Variants in RAI1 observed in about 807,000 individuals in gnomAD.
The protein encoded by RAI1 is retinoic acid induced 1, also known as retinoic acid-induced protein 1.
In RAI1, 9 loss-of-function variants were observed where a neutral mutation model predicts 123.8. That is an observed-to-expected ratio of 0.07 (90% CI 0.04 to 0.13). The LOEUF (loss-of-function observed/expected upper bound fraction) is 0.13, where lower values mean the gene tolerates loss of function less well. Among genes scored for constraint, RAI1 ranks in the 10% least tolerant of loss-of-function variants. RAI1 has a pLI of 1.00. For synonymous variants in RAI1, 1,231 were observed against 1,127.3 expected, an observed-to-expected ratio of 1.09 and a Z score of -1.84; for missense variants, 2,256 against 2,545.8, an observed-to-expected ratio of 0.89 and a Z score of 2.45.
chr17:17,807,251 G>T (rs1276080204), intron 4 of RAI1, among the ~76,000 whole-genome samples: 1 of 149,120 alleles, frequency 6.7e-6, no homozygotes, highest in Non-Finnish European at 1.5e-5. Context: ...CCAGGCGGTG[G>T]GGGGGGCGGG....
intron 2 of RAI1, among the ~76,000 whole-genome samples, chr17:17,724,878 C>T (rs1916027094): frequency 6.6e-6 from 1 of 152,144 alleles, no homozygotes; most frequent in South Asian, 2.1e-4. Flanking sequence ...CAAACACTTC[C>T]CCTGGAGACC....
intron 2 of RAI1, among the ~76,000 whole-genome samples, chr17:17,755,214 G>A (rs1395246990): frequency 6.6e-6 from 1 of 152,232 alleles, no homozygotes; most frequent in East Asian, 1.9e-4. Flanking sequence ...CCCCAGTGCT[G>A]GACTGTGAGC....
chr17:17,714,945 CT>C lies in RAI1; in HGVS notation c.-148-9081del, dbSNP rs1915665958. Among the ~76,000 whole-genome samples, 1 of 152,250 alleles carries C rather than the reference CT, an allele frequency of 6.6e-6. No individual in the cohort carries two copies. Among genetic ancestry groups the C allele is most frequent in the African/African-American group, 2.4e-5 (1 of 41,464 alleles). The stretch of plus-strand genomic sequence containing the variant: ...GTAATGTCGCCTTCCACCTCATGGA[CT>C]TCCCAGTTTAGAATGCTGCTTCCCA... On this transcript the variant is annotated intron_variant, in intron 1 of 5. Coordinates refer to ENST00000353383, the MANE Select transcript of RAI1 (RefSeq NM_030665.4). The surrounding 1 kb of genome is among the most constrained non-coding windows in gnomAD (Gnocchi z 4.9).
At position 17,795,312 on chromosome 17, in the gene RAI1, G is replaced by A. The variant is rs150442255; in HGVS notation, c.2364G>A (p.Ser788=). ...GISKGDTHEA[S]ACLGFQEEDP... is the part of the protein sequence containing the mutation. Reference sequence around the variant, plus strand: ...GCAAAGGGGACACCCATGAGGCTTCGGCCTGCCTGGGCTTCCAGGAGGAGG... The same window carrying A: ...GCAAAGGGGACACCCATGAGGCTTCAGCCTGCCTGGGCTTCCAGGAGGAGG... Residue 788 remains serine, a synonymous_variant, in exon 3 of 6, where the codon TCG becomes TCA. Transcript: ENST00000353383. The surrounding 1 kb of genome is among the most constrained non-coding windows in gnomAD (Gnocchi z 5.9). The A allele has an allele frequency of 2.4e-5, 38 of 1,605,782 alleles. No individual in the cohort carries two copies. Among genetic ancestry groups the A allele is most frequent in the Admixed American group, 1.7e-4 (10 of 59,648 alleles).
intron 2 of RAI1, chr17:17,777,343 C>T (rs1320555879): frequency 6.6e-6 from 1 of 152,220 alleles, no homozygotes; most frequent in East Asian, 1.9e-4. Context: ...ACAGCTGCTT[C>T]CCTTACAAAT....
At chr17:17,687,566 CTG>C (rs1914682966) in intron 1 of RAI1, among the ~76,000 whole-genome samples, 1 of 152,064 alleles carries the variant, frequency 6.6e-6, no homozygotes, top group Admixed American at 6.6e-5. Flanking sequence ...TTCTTGGAGA[CTG>C]TGCTCATCTG....
At chr17:17,776,108 C>T (rs2031334129) in intron 2 of RAI1, among the ~76,000 whole-genome samples, 1 of 152,228 alleles carries the variant, frequency 6.6e-6, no homozygotes, top group Non-Finnish European at 1.5e-5. Context: ...TGATCCCTAT[C>T]TTGCGCATTG....
At chr17:17,720,586 G>T (rs1454100779) in intron 1 of RAI1, among the ~76,000 whole-genome samples, 1 of 152,208 alleles carries the variant, frequency 6.6e-6, no homozygotes, top group African/African-American at 2.4e-5. Context: ...GGTTTGAATT[G>T]TGAGGTTGCC....
At chr17:17,697,088 G>A (rs969913853) in intron 1 of RAI1, among the ~76,000 whole-genome samples, 1 of 152,194 alleles carries the variant, frequency 6.6e-6, no homozygotes, top group Non-Finnish European at 1.5e-5. Flanking sequence ...CTACTGCCAG[G>A]CCTGTCTCTT....
intron 2 of RAI1, chr17:17,778,831 T>C (rs923878970): frequency 1.1e-5 from 5 of 456,554 alleles, no homozygotes; most frequent in Non-Finnish European, 2.2e-5. Flanking sequence ...TGGAAGAGGC[T>C]CTCTCCCCCA....
At chr17:17,770,844 ACGCCCTACTCT>A (rs1382565496) in intron 2 of RAI1, 1 of 152,264 alleles carries the variant, frequency 6.6e-6, no homozygotes, top group African/African-American at 2.4e-5. Context: ...CAGATGACAA[ACGCCCTACTCT>A]CGCCGGCTGC....
chr17:17,765,777 G>A (rs1028855957), intron 2 of RAI1: 2 of 152,272 alleles, frequency 1.3e-5, no homozygotes, highest in Non-Finnish European at 2.9e-5. Flanking sequence ...ACAGGATGAA[G>A]GGCCCCAGTG....
chr17:17,762,643 G>A (rs192590735), intron 2 of RAI1, among the ~76,000 whole-genome samples: 7 of 152,262 alleles, frequency 4.6e-5, no homozygotes, highest in East Asian at 3.9e-4. Context: ...TCAGAGACTC[G>A]CCAGCTGTGA....
chr17:17,716,857 C>A (rs1915729302), intron 1 of RAI1, among the ~76,000 whole-genome samples: 1 of 152,210 alleles, frequency 6.6e-6, no homozygotes, highest in Non-Finnish European at 1.5e-5. Flanking sequence ...TGCCACTTAA[C>A]CTCAGGGTGG....
At position 17,795,844 on chromosome 17, in the gene RAI1, A is replaced by G. The variant is rs576117854; in HGVS notation, c.2896A>G (p.Thr966Ala). ...PDGERAPGDSTTSDASLAQKP... is the reference protein window; with the variant it reads ...PDGERAPGDSATSDASLAQKP... ...TGGGGAGCGAGCTCCAGGGGATTCC[A>G]CCACCTCGGACGCCTCTCTGGCCCA... Residue 966 changes from threonine to alanine, a missense_variant, in exon 3 of 6, where the codon ACC (threonine) becomes GCC (alanine). Transcript: ENST00000353383. The surrounding 1 kb of genome is among the most constrained non-coding windows in gnomAD (Gnocchi z 5.9). 1 of 1,613,188 alleles carries G rather than the reference A, an allele frequency of 6.2e-7. No homozygotes were observed. Among genetic ancestry groups the G allele is most frequent in the East Asian group, 2.2e-5 (1 of 44,868 alleles).
At chr17:17,735,748 G>A (rs752790294) in intron 2 of RAI1, among the ~76,000 whole-genome samples, 4 of 152,240 alleles carry the variant, frequency 2.6e-5, no homozygotes, top group African/African-American at 7.2e-5. Context: ...GTGGGTAGGT[G>A]TGCAAGCAGA....
At chr17:17,754,077 C>T (rs1255786433) in intron 2 of RAI1, among the ~76,000 whole-genome samples, 1 of 151,010 alleles carries the variant, frequency 6.6e-6, no homozygotes, top group Non-Finnish European at 1.5e-5. Flanking sequence ...ACAAGTTGTA[C>T]ATTGTACAAG....
chr17:17,807,668 G>A (rs902344030), intron 4 of RAI1, among the ~76,000 whole-genome samples: 2 of 152,226 alleles, frequency 1.3e-5, no homozygotes, highest in African/African-American at 4.8e-5. Flanking sequence ...GGTGGTGCTG[G>A]GGCAGTGCTG....
At chr17:17,798,620 G>T (rs2032354569) in intron 3 of RAI1, 107 bp downstream of exon 3, 4 of 1,524,390 alleles carry the variant, frequency 2.6e-6, no homozygotes, top group Non-Finnish European at 3.5e-6. Context: ...GGCCAAATGT[G>T]TCTGCAGTCT....
Sources: allele counts gnomAD v4.1 joint callset (sites outside exome capture counted in the v4.1 genomes callset), GRCh38; gene constraint gnomAD v4.1.1; non-coding constraint Gnocchi (gnomAD v3.1); transcripts MANE v1.5; gene names NCBI Gene and HGNC (gene_info 2026-07-23, HGNC 2026-07-21).